SRGAP2B: variants seen among roughly 807,000 people sequenced by gnomAD.
SRGAP2B encodes SLIT-ROBO Rho GTPase-activating protein 2B.
Under a neutral mutation model 22.2 loss-of-function variants are expected in SRGAP2B, and 9 were observed. That is an observed-to-expected ratio of 0.41 (90% CI 0.24 to 0.71). The LOEUF is 0.71. SRGAP2B is among the 30% of genes least tolerant of loss of function. The pLI is 0.35. For missense variants in SRGAP2B, 114 were observed against 235.8 expected (o/e 0.48, Z 3.38); for synonymous variants, 36 against 87.4 (o/e 0.41, Z 3.28).
chr1:144,990,777 G>C (rs1351836277), intron 3 of SRGAP2B, among the ~76,000 whole-genome samples: 1 of 151,302 alleles, frequency 6.6e-6, no homozygotes, highest in Non-Finnish European at 1.5e-5. Context: ...CGGGCAATGG[G>C]GGACTTAGCA....
intron 2 of SRGAP2B, among the ~76,000 whole-genome samples, chr1:145,061,328 TA>T (rs1476008767): frequency 1.4e-4 from 10 of 70,044 alleles, no homozygotes; most frequent in Non-Finnish European, 2.2e-4. Context: ...GGCAAGTTGC[TA>T]AAAAAAATTG....
chr1:144,930,876 A>T (rs1393600925), intron 4 of SRGAP2B, among the ~76,000 whole-genome samples: 1 of 149,688 alleles, frequency 6.7e-6, no homozygotes, highest in Non-Finnish European at 1.5e-5. Flanking sequence ...CAGAAATAGC[A>T]GCAATATTTT....
chr1:144,993,194 G>C (rs1670392411), intron 3 of SRGAP2B, among the ~76,000 whole-genome samples: 1 of 151,260 alleles, frequency 6.6e-6, no homozygotes, highest in Admixed American at 6.6e-5. Context: ...TTGGAAACCT[G>C]TTTGAGGCTT....
At chr1:145,009,033 T>C (rs1553621715) in intron 2 of SRGAP2B, among the ~76,000 whole-genome samples, 1 of 145,678 alleles carries the variant, frequency 6.9e-6, no homozygotes, top group Non-Finnish European at 1.5e-5. Flanking sequence ...AAAAAGTAGC[T>C]GGGCGTGGTG....
At chr1:144,934,297 G>A (rs1553343728) in intron 4 of SRGAP2B, among the ~76,000 whole-genome samples, 7 of 147,204 alleles carry the variant, frequency 4.8e-5, no homozygotes, top group Admixed American at 1.3e-4. Context: ...CCAGCTACTC[G>A]GGAGGCTGAG....
intron 2 of SRGAP2B, among the ~76,000 whole-genome samples, chr1:145,065,439 G>A (rs1553632232): frequency 1.4e-5 from 2 of 147,560 alleles, no homozygotes; most frequent in Non-Finnish European, 3.0e-5. Context: ...CCCAGCAGCA[G>A]GCTACCAGGA....
intron 4 of SRGAP2B, among the ~76,000 whole-genome samples, chr1:144,933,981 CACA>C (rs1553606001): frequency 7.9e-5 from 12 of 151,534 alleles, no homozygotes; most frequent in Non-Finnish European, 1.5e-4. Context: ...AAATGATGAG[CACA>C]TCCACACTGG....
intron 3 of SRGAP2B, among the ~76,000 whole-genome samples, chr1:144,975,981 C>T (rs1373995521): frequency 6.8e-6 from 1 of 146,810 alleles, no homozygotes; most frequent in Non-Finnish European, 1.5e-5. Context: ...TCACCCCATT[C>T]TCCTGCCTCA....
chr1:144,989,252 G>T, intron 3 of SRGAP2B, among the ~76,000 whole-genome samples: 1 of 71,054 alleles, frequency 1.4e-5, no homozygotes, highest in African/African-American at 6.3e-5. Flanking sequence ...CTCTACTAAA[G>T]CTCTTTTCAC....
chr1:145,031,842 G>A (rs1248695573), intron 2 of SRGAP2B, among the ~76,000 whole-genome samples: 40 of 125,198 alleles, frequency 3.2e-4, no homozygotes, highest in African/African-American at 1.1e-3. Context: ...GCAAGACTCC[G>A]TCTCAAAAAA....
chr1:144,957,726 T>G (rs1667368503), intron 3 of SRGAP2B, among the ~76,000 whole-genome samples: 1 of 150,558 alleles, frequency 6.6e-6, no homozygotes, highest in Non-Finnish European at 1.5e-5. Context: ...TTCCATAGCA[T>G]CTGATGTCTC....
chr1:144,964,963 C>T (rs1429955482), intron 3 of SRGAP2B: 16 of 1,357,696 alleles, frequency 1.2e-5, no homozygotes, highest in African/African-American at 3.0e-5. Context: ...GACACAGAGC[C>T]GCGCCGCCTG....
chr1:145,088,514 A>C (rs1431283078), intron 2 of SRGAP2B, among the ~76,000 whole-genome samples: 5 of 142,804 alleles, frequency 3.5e-5, no homozygotes, highest in African/African-American at 1.3e-4. Context: ...ACTGCTCAGC[A>C]TACAGTGCCA....
chr1:144,980,010 T>C (rs1309032198), intron 3 of SRGAP2B, among the ~76,000 whole-genome samples: 1 of 150,636 alleles, frequency 6.6e-6, no homozygotes, highest in Non-Finnish European at 1.5e-5. Context: ...TTCCACCCAT[T>C]ACCGGAGAAA....
chr1:144,971,092 A>C (rs587650767), intron 3 of SRGAP2B, among the ~76,000 whole-genome samples: 1 of 150,442 alleles, frequency 6.6e-6, no homozygotes, highest in East Asian at 1.9e-4. Context: ...TTGTTTCATA[A>C]ATTCCCTACT....
At chr1:144,943,659 G>C (rs1283654909) in intron 4 of SRGAP2B, among the ~76,000 whole-genome samples, 1 of 143,966 alleles carries the variant, frequency 6.9e-6, no homozygotes, top group South Asian at 2.3e-4. Context: ...GAGAGAGAGA[G>C]AGAAAGAGAG....
At chr1:144,909,326 T>TGTAA (rs1206180421) in intron 5 of SRGAP2B, among the ~76,000 whole-genome samples, 9 of 144,102 alleles carry the variant, frequency 6.2e-5, no homozygotes, top group Non-Finnish European at 1.3e-4. Context: ...GGCTCATGCC[T>TGTAA]GTAATCCCAG....
At chr1:145,017,601 T>C (rs1672517796) in intron 2 of SRGAP2B, among the ~76,000 whole-genome samples, 1 of 146,896 alleles carries the variant, frequency 6.8e-6, no homozygotes, top group Non-Finnish European at 1.5e-5. Context: ...ATTATGACAC[T>C]CAGTACAATG....
At chr1:144,922,832 A>G (rs1664351972) in intron 4 of SRGAP2B, among the ~76,000 whole-genome samples, 1 of 150,772 alleles carries the variant, frequency 6.6e-6, no homozygotes, top group African/African-American at 2.5e-5. Context: ...TAGGACAGAA[A>G]TGGCTTTCTG....
Sources: gnomAD v4.1 joint callset for allele counts (sites outside exome capture counted in the v4.1 genomes callset) on GRCh38, gnomAD v4.1.1 for gene constraint, MANE v1.5 for transcripts, NCBI Gene and HGNC (gene_info 2026-07-23, HGNC 2026-07-21) for gene names.